Variants in KIF13A observed in about 807,000 individuals in gnomAD.
KIF13A encodes kinesin family member 13A.
Under a neutral mutation model 212.2 loss-of-function variants are expected in KIF13A, and 79 were observed. That is an observed-to-expected ratio of 0.37 (90% CI 0.31 to 0.45). KIF13A has a LOEUF of 0.45. Ranked by LOEUF, KIF13A falls within the 20% of genes least tolerant of loss-of-function variation. KIF13A has a pLI of 1.00. For synonymous variants in KIF13A, 789 were observed against 808.6 expected (o/e 0.98, Z 0.41); for missense variants, 1,901 against 2,209.0 (o/e 0.86, Z 2.79).
chr6:17,781,917 T>A (rs1269177381), intron 29 of KIF13A, among the ~76,000 whole-genome samples: 1 of 151,926 alleles, frequency 6.6e-6, no homozygotes, highest in Admixed American at 6.6e-5. Flanking sequence ...CATAAGCTCA[T>A]CGTGCCCCAC....
At chr6:17,942,054 C>A (rs756983665) in intron 2 of KIF13A, among the ~76,000 whole-genome samples, 6 of 151,982 alleles carry the variant, frequency 3.9e-5, no homozygotes, top group Non-Finnish European at 5.9e-5. Flanking sequence ...CTAATCCAAG[C>A]ATTTTGGGAG....
chr6:17,884,157 G>A lies in KIF13A; in HGVS notation c.160-10720C>T, dbSNP rs149427031. ...CCTCCCTATAATTATTGCCTCCTCTGGGCTGTCTTAGCCAACAGCTCTCCC... is the reference window on the plus strand; with the variant it reads ...CCTCCCTATAATTATTGCCTCCTCTAGGCTGTCTTAGCCAACAGCTCTCCC... On this transcript the variant is annotated intron_variant, in intron 3 of 38. Transcript: ENST00000259711. 2.6e-5 allele frequency among the ~76,000 whole-genome samples: 4 copies of A among 152,072 alleles called. No individual in the cohort carries two copies. In the East Asian group the frequency reaches 7.7e-4, roughly 29 times the overall value.
Position 17,764,012 on chromosome 6 carries a change from T to C in KIF13A, c.*98A>G. 6.8e-7 allele frequency: 1 copy of C among 1,480,126 alleles called. No homozygotes were observed. 91.7% of individuals were successfully genotyped at this position (1,480,126 alleles called of 1,614,324 possible). Reference sequence around the variant, plus strand: ...TGTGCAGGAAGTGAGCCTGCTTCTCTGTGGGCTCATCTTTGCTGTCACAAA... The same window carrying C: ...TGTGCAGGAAGTGAGCCTGCTTCTCCGTGGGCTCATCTTTGCTGTCACAAA... On this transcript the variant is annotated 3_prime_UTR_variant, in exon 39 of 39. Coordinates refer to ENST00000259711, the MANE Select transcript of KIF13A (RefSeq NM_022113.6). This position sits in a 1 kb window ranked among gnomAD's most constrained non-coding sequence, Gnocchi z 5.1.
chr6:17,796,542 T>G, intron 23 of KIF13A, 127 bp downstream of exon 23: 2 of 583,158 alleles, frequency 3.4e-6, no homozygotes. Flanking sequence ...ACCTGGCCAT[T>G]CTTTTTTTTT....
At position 17,777,212 on chromosome 6, in the gene KIF13A, C is replaced by T; in HGVS notation, c.4170+65G>A. 1 of 1,321,902 alleles carries T rather than the reference C, an allele frequency of 7.6e-7. No individual in the cohort carries two copies. The highest frequency in any genetic ancestry group is 1.2e-5 in the South Asian group (1 of 80,340). The allele number at this position is 1,321,902 out of a possible 1,614,324, so 81.9% of individuals were successfully genotyped here. ...CTCTACTGCCACTGTGTGAATCCCACCTTCCCCCACCCCAGAGGCTGCGAC... is the reference window on the plus strand; with the variant it reads ...CTCTACTGCCACTGTGTGAATCCCATCTTCCCCCACCCCAGAGGCTGCGAC... On this transcript the variant is annotated intron_variant, in intron 34 of 38. Coordinates refer to ENST00000259711, the MANE Select transcript of KIF13A (RefSeq NM_022113.6). This position sits in a 1 kb window ranked among gnomAD's most constrained non-coding sequence, Gnocchi z 4.4.
At chr6:17,863,983 C>T (rs1251720653) in intron 4 of KIF13A, among the ~76,000 whole-genome samples, 4 of 152,236 alleles carry the variant, frequency 2.6e-5, no homozygotes, top group Admixed American at 6.5e-5. Context: ...CCATAAAAGA[C>T]GCAATATCTC....
At chr6:17,854,014 T>C (rs1767913491) in intron 6 of KIF13A, among the ~76,000 whole-genome samples, 1 of 152,190 alleles carries the variant, frequency 6.6e-6, no homozygotes, top group African/African-American at 2.4e-5. Context: ...GCCTTACAGG[T>C]GTTATAAATG....
At position 17,981,426 on chromosome 6, in the gene KIF13A, CTTTT is replaced by C. The variant is rs565958562; in HGVS notation, c.146+5624_146+5627del. Among the ~76,000 whole-genome samples, 271 of 134,288 alleles carry C rather than the reference CTTTT, an allele frequency of 2.0e-3. 1 individual carries two copies. Among genetic ancestry groups the C allele is most frequent in the Non-Finnish European group, 3.6e-3 (225 of 62,272 alleles). 88.1% of individuals were successfully genotyped at this position (134,288 alleles called of 152,430 possible). ...ACTTTTAGTTTTGTTTTTCTTTTTT[CTTTT>C]TTTTTTTTTTTTTGAGACAGAGTCT... On this transcript the variant is annotated intron_variant, in intron 2 of 38. Coordinates refer to ENST00000259711, the MANE Select transcript of KIF13A (RefSeq NM_022113.6).
At chr6:17,866,871 A>G (rs1424384337) in intron 4 of KIF13A, among the ~76,000 whole-genome samples, 1 of 139,210 alleles carries the variant, frequency 7.2e-6, no homozygotes, top group African/African-American at 2.7e-5. Flanking sequence ...ATATATATAT[A>G]TATATTTACA....
chr6:17,953,122 A>G (rs910174964), intron 2 of KIF13A, among the ~76,000 whole-genome samples: 2 of 152,174 alleles, frequency 1.3e-5, no homozygotes, highest in Admixed American at 1.3e-4. Context: ...AGAAATTATC[A>G]TTCATCCATA....
chr6:17,938,742 C>T (rs1207765001), intron 2 of KIF13A, among the ~76,000 whole-genome samples: 1 of 151,542 alleles, frequency 6.6e-6, no homozygotes, highest in Non-Finnish European at 1.5e-5. Context: ...CCTCCATTTT[C>T]TTCCTGTACA....
intron 20 of KIF13A, among the ~76,000 whole-genome samples, chr6:17,802,311 G>A (rs1392142986): frequency 8.8e-5 from 13 of 147,120 alleles, no homozygotes; most frequent in Admixed American, 7.4e-4. Context: ...TTTTTTTTGA[G>A]ACGGAGTTTC....
rs904180611 is a variant in KIF13A at position 17,786,757 on chromosome 6, A to G, written c.3361+1019T>C. On this transcript the variant is annotated intron_variant, in intron 27 of 38. Coordinates refer to ENST00000259711, the MANE Select transcript of KIF13A (RefSeq NM_022113.6). The surrounding 1 kb of genome is among the most constrained non-coding windows in gnomAD (Gnocchi z 5.4). ...TCTGGGGCTCCCTGGGTACAGTCTA[A>G]GTGAGTTTTCATTAGCAGCCTGAGC... Among the ~76,000 whole-genome samples the G allele has an allele frequency of 4.6e-5, 7 of 152,102 alleles. No homozygotes were observed. The highest frequency in any genetic ancestry group is 3.9e-4 in the Admixed American group (6 of 15,262).
Position 17,799,195 on chromosome 6 carries a change from G to T in KIF13A, c.2790+71C>A. Reference sequence around the variant, plus strand: ...TATACTTAAAACAAATGCTTGTGGGGACAACTGATTGTTGAACTGCACCAA... The same window carrying T: ...TATACTTAAAACAAATGCTTGTGGGTACAACTGATTGTTGAACTGCACCAA... On this transcript the variant is annotated intron_variant, in intron 22 of 38. Coordinates refer to ENST00000259711, the MANE Select transcript of KIF13A (RefSeq NM_022113.6). This position sits in a 1 kb window ranked among gnomAD's most constrained non-coding sequence, Gnocchi z 4.4. 9.5e-7 allele frequency: 1 copy of T among 1,051,166 alleles called. No individual in the cohort carries two copies. The highest frequency in any genetic ancestry group is 1.3e-6 in the Non-Finnish European group (1 of 769,592). 65.1% of individuals were successfully genotyped at this position (1,051,166 alleles called of 1,614,324 possible).
Position 17,951,386 on chromosome 6 carries a change from C to T in KIF13A, c.146+35668G>A. The T allele has an allele frequency of 6.4e-6, 4 of 629,558 alleles. No individual in the cohort carries two copies. Among genetic ancestry groups the T allele is most frequent in the African/African-American group, 1.9e-5 (1 of 53,608 alleles). 39.0% of individuals were successfully genotyped at this position (629,558 alleles called of 1,614,324 possible). A position where few individuals can be genotyped will look rare whatever the true frequency, so the allele number is the denominator to read the frequency against. On this transcript the variant is annotated intron_variant, in intron 2 of 38. Transcript: ENST00000259711. This position sits in a 1 kb window ranked among gnomAD's most constrained non-coding sequence, Gnocchi z 4.9. ...GCTCAAGTGATCCTCTTGCCTTGGCCTCCCAAAGTGCTGGAATTAGAGATG... is the reference window on the plus strand; with the variant it reads ...GCTCAAGTGATCCTCTTGCCTTGGCTTCCCAAAGTGCTGGAATTAGAGATG...
intron 3 of KIF13A, among the ~76,000 whole-genome samples, chr6:17,890,144 C>T (rs147292190): frequency 6.9e-6 from 1 of 145,440 alleles, no homozygotes; most frequent in East Asian, 2.0e-4. Context: ...GCCGAGATCG[C>T]ACCATGGCAT....
intron 35 of KIF13A, 122 bp downstream of exon 35, chr6:17,774,893 T>C (rs1413276108): frequency 3.1e-6 from 2 of 645,848 alleles, no homozygotes; most frequent in Non-Finnish European, 5.2e-6. Flanking sequence ...TTTTTCTTTT[T>C]CTTTTTTTTT....
chr6:17,785,382 G>A lies in KIF13A; in HGVS notation c.3488+133C>T. The A allele has an allele frequency of 3.0e-6, 3 of 988,496 alleles. No homozygotes were observed. The highest frequency in any genetic ancestry group is 2.1e-5 in the South Asian group (1 of 48,026). The allele number at this position is 988,496 out of a possible 1,614,324, so 61.2% of individuals were successfully genotyped here. A position where few individuals can be genotyped will look rare whatever the true frequency, so the allele number is the denominator to read the frequency against. Reference sequence around the variant, plus strand: ...AAAAAGGGATGGAAGCATTAGAGATGAGTGGACATTCCCTAAGTAGTTCAG... The same window carrying A: ...AAAAAGGGATGGAAGCATTAGAGATAAGTGGACATTCCCTAAGTAGTTCAG... On this transcript the variant is annotated intron_variant, in intron 28 of 38. Coordinates refer to ENST00000259711, the MANE Select transcript of KIF13A (RefSeq NM_022113.6). The surrounding 1 kb of genome is among the most constrained non-coding windows in gnomAD (Gnocchi z 5.8).
In KIF13A at chr6:17,888,321, G is replaced by GC. The variant is rs1310414173; in HGVS notation, c.159+9846dup. Among the ~76,000 whole-genome samples the GC allele has an allele frequency of 8.5e-5, 13 of 152,214 alleles. No individual in the cohort carries two copies. Among genetic ancestry groups the GC allele is most frequent in the African/African-American group, 2.6e-4 (11 of 41,522 alleles). ...ATGCTGTCATTGAGTTCATGCAGCT[G>GC]CAACACTCCTGGACCCAGATATAAA... On this transcript the variant is annotated intron_variant, in intron 3 of 38. Coordinates refer to ENST00000259711, the MANE Select transcript of KIF13A (RefSeq NM_022113.6). This position sits in a 1 kb window ranked among gnomAD's most constrained non-coding sequence, Gnocchi z 4.8.
Sources: allele counts gnomAD v4.1 joint callset (sites outside exome capture counted in the v4.1 genomes callset), GRCh38; gene constraint gnomAD v4.1.1; non-coding constraint Gnocchi (gnomAD v3.1); transcripts MANE v1.5; gene names NCBI Gene and HGNC (gene_info 2026-07-23, HGNC 2026-07-21).